The following TMEM44 variants were observed in gnomAD, a reference collection of about 807,000 sequenced individuals.
TMEM44 encodes transmembrane protein 44.
TMEM44 carries 43 observed loss-of-function variants against 47.8 expected under a neutral mutation model. That is an observed-to-expected ratio of 0.90 (90% CI 0.70 to 1.16). The LOEUF is 1.16. Ranked by LOEUF, TMEM44 falls within the 50% of genes most tolerant of loss-of-function variation. TMEM44 has a pLI of 0.00. For missense variants in TMEM44, 568 were observed against 555.2 expected (o/e 1.02, Z -0.23); for synonymous variants, 277 against 238.8 (o/e 1.16, Z -1.48).
intron 2 of TMEM44, among the ~76,000 whole-genome samples, chr3:194,626,681 G>GC (rs1717212111): frequency 7.5e-6 from 1 of 133,138 alleles, no homozygotes; most frequent in African/African-American, 2.8e-5. Context: ...ATGTAGTTAA[G>GC]TTTTTTTTTT....
chr3:194,613,491 A>T (rs1308483635), intron 7 of TMEM44, among the ~76,000 whole-genome samples: 2 of 150,474 alleles, frequency 1.3e-5, no homozygotes, highest in African/African-American at 4.9e-5. Context: ...TGAACACTTT[A>T]AAAAAAAAGT....
chr3:194,632,554 C>T (rs1486595553), intron 1 of TMEM44, among the ~76,000 whole-genome samples: 2 of 152,186 alleles, frequency 1.3e-5, no homozygotes, highest in Non-Finnish European at 2.9e-5. Context: ...CATATCACTA[C>T]CTCCCTTCCC....
intron 6 of TMEM44, chr3:194,616,802 G>C (rs1341981478): frequency 2.2e-6 from 1 of 452,726 alleles, no homozygotes; most frequent in South Asian, 2.0e-5. Context: ...GGCTGAGGCA[G>C]GAGAATTGCT....
At chr3:194,628,810 C>T (rs79684601) in intron 1 of TMEM44, among the ~76,000 whole-genome samples, 1,710 of 152,222 alleles carry the variant, frequency 0.011, 39 homozygotes, top group African/African-American at 0.039. Flanking sequence ...TGACCCCCCA[C>T]CTAGCACTGA....
At chr3:194,599,163 A>C (rs1019538687) in intron 9 of TMEM44, among the ~76,000 whole-genome samples, 2 of 152,214 alleles carry the variant, frequency 1.3e-5, no homozygotes, top group African/African-American at 4.8e-5. Flanking sequence ...CATCAATCTT[A>C]TGCTCTGTCT....
chr3:194,588,141 C>A lies in TMEM44; in HGVS notation c.*388G>T. On this transcript the variant is annotated 3_prime_UTR_variant, in exon 10 of 10. Transcript: ENST00000347147. Reference sequence around the variant, plus strand: ...CTTGCAGAATGGGCTCTGCTGAGATCTAACCAGACACATTTGCTATCTGTT... The same window carrying A: ...CTTGCAGAATGGGCTCTGCTGAGATATAACCAGACACATTTGCTATCTGTT... 5.5e-6 allele frequency: 1 copy of A among 183,458 alleles called. No individual in the cohort carries two copies. Among genetic ancestry groups the A allele is most frequent in the Non-Finnish European group, 1.1e-5 (1 of 87,218 alleles). The allele number at this position is 183,458 out of a possible 1,614,324, so 11.4% of individuals were successfully genotyped here.
chr3:194,631,745 C>T (rs1454171244), intron 1 of TMEM44, among the ~76,000 whole-genome samples: 1 of 152,154 alleles, frequency 6.6e-6, no homozygotes, highest in Non-Finnish European at 1.5e-5. Flanking sequence ...CTCTTGGGGC[C>T]AGGGTGCCAG....
Position 194,611,744 on chromosome 3 carries a change from G to A in TMEM44, c.913-724C>T, listed in dbSNP as rs1057285719. 3.9e-5 allele frequency among the ~76,000 whole-genome samples: 6 copies of A among 152,068 alleles called. No individual in the cohort carries two copies. Among genetic ancestry groups the A allele is most frequent in the Admixed American group, 1.3e-4 (2 of 15,268 alleles). Reference sequence around the variant, plus strand: ...TTTTGCTAAAATACAGATTGCAGCCGGGCGCGGTGGCTCACGCCTGTAATC... The same window carrying A: ...TTTTGCTAAAATACAGATTGCAGCCAGGCGCGGTGGCTCACGCCTGTAATC... On this transcript the variant is annotated intron_variant, in intron 7 of 9. Coordinates refer to ENST00000347147, the MANE Select transcript of TMEM44 (RefSeq NM_001011655.3). The surrounding 1 kb of genome is among the most constrained non-coding windows in gnomAD (Gnocchi z 4.2).
chr3:194,619,880 G>A (rs932659093), intron 5 of TMEM44, among the ~76,000 whole-genome samples: 39 of 152,180 alleles, frequency 2.6e-4, no homozygotes, highest in African/African-American at 8.2e-4. Context: ...GGGGCCCTCA[G>A]GCTTCAATAC....
intron 5 of TMEM44, among the ~76,000 whole-genome samples, chr3:194,619,069 CCAT>C (rs1434760714): frequency 1.3e-5 from 2 of 152,258 alleles, no homozygotes; most frequent in African/African-American, 2.4e-5. Context: ...CCACCCACCA[CCAT>C]GTTACAGAGG....
chr3:194,633,216 GGC>G lies in TMEM44; in HGVS notation c.-3_-2del. On this transcript the variant is annotated 5_prime_UTR_variant, in exon 1 of 10. Coordinates refer to ENST00000347147, the MANE Select transcript of TMEM44 (RefSeq NM_001011655.3). ...GCGCGGGGCTGGGCGCCTCCCCCAT[GGC>G]GCGGCTGGGCGCGCGGCGCGGGGCC... The G allele has an allele frequency of 7.2e-7, 1 of 1,395,674 alleles. No individual in the cohort carries two copies. The highest frequency in any genetic ancestry group is 1.6e-5 in the South Asian group (1 of 64,310). 86.5% of individuals were successfully genotyped at this position (1,395,674 alleles called of 1,614,324 possible).
chr3:194,628,511 TG>T lies in TMEM44; in HGVS notation c.138-3del. 6.2e-7 allele frequency: 1 copy of T among 1,611,814 alleles called. No individual in the cohort carries two copies. The highest frequency in any genetic ancestry group is 2.2e-5 in the East Asian group (1 of 44,790). On this transcript the variant is annotated splice_region_variant and splice_polypyrimidine_tract_variant and intron_variant, in intron 1 of 9. Coordinates refer to ENST00000347147, the MANE Select transcript of TMEM44 (RefSeq NM_001011655.3). ...TGTGCACATCTCAGATAGAGAAGCC[TG>T]GGGTGACAGGGGTGTGGACAGAACA...
At chr3:194,610,610 G>C (rs989769192) in intron 8 of TMEM44, among the ~76,000 whole-genome samples, 1 of 152,000 alleles carries the variant, frequency 6.6e-6, no homozygotes, top group Admixed American at 6.6e-5. Context: ...TCTTGATTTA[G>C]CCTAATATGG....
intron 6 of TMEM44, chr3:194,616,479 A>T (rs895722949): frequency 1.8e-5 from 8 of 435,472 alleles, no homozygotes; most frequent in African/African-American, 1.6e-4. Context: ...ACACGAAGAT[A>T]CACAAAGGGA....
At position 194,633,061 on chromosome 3, in the gene TMEM44, G is replaced by A. The variant is rs1327233880; in HGVS notation, c.137+18C>T. On this transcript the variant is annotated intron_variant, in intron 1 of 9. Coordinates refer to ENST00000347147, the MANE Select transcript of TMEM44 (RefSeq NM_001011655.3). ...CCGTTTCCCCGCCCGACAGCCCCCC[G>A]ACCCGTGGCCCCATTACAGCGCGTG... 6.5e-7 allele frequency: 1 copy of A among 1,546,604 alleles called. No individual in the cohort carries two copies. The highest frequency in any genetic ancestry group is 2.0e-5 in the Admixed American group (1 of 50,944).
chr3:194,614,596 G>A (rs1040239548), intron 7 of TMEM44, among the ~76,000 whole-genome samples: 11 of 151,956 alleles, frequency 7.2e-5, no homozygotes, highest in Non-Finnish European at 1.6e-4. Context: ...TGGTAGAGAC[G>A]GGGTTTCACC....
chr3:194,603,169 A>G (rs1436237185), intron 9 of TMEM44, among the ~76,000 whole-genome samples: 5 of 152,360 alleles, frequency 3.3e-5, no homozygotes, highest in African/African-American at 9.6e-5. Flanking sequence ...CGGTGGGACC[A>G]AGAGAGAGAA....
In TMEM44 at chr3:194,617,123, GA is replaced by G; in HGVS notation, c.758del (p.Leu253ProfsTer16). 1 of 1,556,404 alleles carries G rather than the reference GA, an allele frequency of 6.4e-7. No individual in the cohort carries two copies. The highest frequency in any genetic ancestry group is 2.1e-4 in the Middle Eastern group (1 of 4,694). On this transcript the variant is annotated frameshift_variant, in exon 6 of 10. Coordinates refer to ENST00000347147, the MANE Select transcript of TMEM44 (RefSeq NM_001011655.3). LOFTEE classifies it high-confidence loss of function. Reference protein sequence around the residue: ...LRATPWFLTSLGRAALDLAII... With the variant: ...LRATPWFLTSXGRAALDLAII... ...CAGCGAGGTCCAGTGCCGCACGGCC[GA>G]GGGAGGTCAGGAACCAGGGTGTGGC...
Position 194,617,151 on chromosome 3 carries a change from C to T in TMEM44, c.731G>A (p.Arg244Gln), listed in dbSNP as rs773587065. The T allele has an allele frequency of 2.0e-5, 31 of 1,558,730 alleles. No individual in the cohort carries two copies. Among genetic ancestry groups the T allele is most frequent in the African/African-American group, 4.1e-5 (3 of 73,418 alleles). Residue 244 changes from arginine (R) to glutamine (Q), a missense_variant, in exon 6 of 10, where the codon CGG becomes CAG. By Grantham distance (43) the Arg-to-Gln change is conservative (BLOSUM62 1). Coordinates refer to ENST00000347147, the MANE Select transcript of TMEM44 (RefSeq NM_001011655.3). Reference protein sequence around the residue: ...AHDQHPEYLLRATPWFLTSLG... With the variant: ...AHDQHPEYLLQATPWFLTSLG... ...GGAGGTCAGGAACCAGGGTGTGGCC[C>T]GCAGCAGGTACTCAGGGTGCTGGTC...
Sources: allele counts gnomAD v4.1 joint callset (sites outside exome capture counted in the v4.1 genomes callset), GRCh38; gene constraint gnomAD v4.1.1; non-coding constraint Gnocchi (gnomAD v3.1); transcripts MANE v1.5; gene names NCBI Gene and HGNC (gene_info 2026-07-23, HGNC 2026-07-21).